STK31: variants seen among roughly 807,000 people sequenced by gnomAD.
The protein encoded by STK31 is serine/threonine-protein kinase 31.
In STK31, 89 loss-of-function variants were observed where a neutral mutation model predicts 129.7. The ratio of observed to expected loss-of-function variants is 0.69; its 90% CI spans 0.58 to 0.82. The LOEUF (loss-of-function observed/expected upper bound fraction) is 0.82. Among genes scored for constraint, STK31 ranks in the 40% least tolerant of loss-of-function variants. The pLI is 0.00. For missense variants in STK31, 1,187 were observed against 1,176.4 expected (o/e 1.01, Z -0.13); for synonymous variants, 448 against 395.3 (o/e 1.13, Z -1.58).
At chr7:23,829,074 T>G (rs547532273) in intron 23 of STK31, among the ~76,000 whole-genome samples, 20 of 151,938 alleles carry the variant, frequency 1.3e-4, no homozygotes, top group African/African-American at 4.8e-4. Flanking sequence ...CAAATTTTTT[T>G]TTTTTTTGTA....
chr7:23,795,884 C>A (rs1791920961), intron 22 of STK31, among the ~76,000 whole-genome samples: 1 of 152,150 alleles, frequency 6.6e-6, no homozygotes, highest in Non-Finnish European at 1.5e-5. Context: ...TGCCTGTACC[C>A]CATTGTATCA....
intron 16 of STK31, among the ~76,000 whole-genome samples, chr7:23,783,038 C>T (rs1010061400): frequency 2.6e-5 from 4 of 151,822 alleles, no homozygotes; most frequent in African/African-American, 9.7e-5. Context: ...ATGAACAATT[C>T]GCAAATTGGG....
intron 4 of STK31, chr7:23,721,869 G>A (rs1786723702): frequency 4.4e-6 from 2 of 453,472 alleles, no homozygotes; most frequent in South Asian, 4.2e-5. Context: ...GATCAAATCA[G>A]CTACTGAAGC....
At chr7:23,765,823 A>AG (rs1336787125) in intron 11 of STK31, among the ~76,000 whole-genome samples, 2 of 152,320 alleles carry the variant, frequency 1.3e-5, no homozygotes, top group East Asian at 3.9e-4. Context: ...TTGGGATTAC[A>AG]GGCGTGAGCC....
intron 22 of STK31, among the ~76,000 whole-genome samples, chr7:23,809,466 C>T (rs1792947096): frequency 6.6e-6 from 1 of 152,138 alleles, no homozygotes; most frequent in South Asian, 2.1e-4. Flanking sequence ...AATTTGAGCA[C>T]TTACAAATTA....
intron 4 of STK31, chr7:23,721,607 A>C: frequency 1.1e-6 from 1 of 951,800 alleles, no homozygotes. Flanking sequence ...ATCATTTATG[A>C]AATTTCTAAG....
At chr7:23,830,048 C>T (rs1794445375) in intron 23 of STK31, among the ~76,000 whole-genome samples, 1 of 152,110 alleles carries the variant, frequency 6.6e-6, no homozygotes, top group Non-Finnish European at 1.5e-5. Flanking sequence ...CTCCCGGGTT[C>T]ATGCCATTCT....
At chr7:23,761,565 C>T (rs868332260) in intron 10 of STK31, among the ~76,000 whole-genome samples, 4 of 151,656 alleles carry the variant, frequency 2.6e-5, no homozygotes, top group African/African-American at 4.8e-5. Context: ...GGACTACAGG[C>T]GCCTGCCACT....
At chr7:23,762,036 G>A (rs2128099012) in intron 10 of STK31, among the ~76,000 whole-genome samples, 1 of 151,470 alleles carries the variant, frequency 6.6e-6, no homozygotes, top group African/African-American at 2.4e-5. Context: ...AGGCTTTTAA[G>A]TGTATGTGCC....
At chr7:23,769,410 G>A (rs1464330648) in intron 12 of STK31, among the ~76,000 whole-genome samples, 1 of 151,946 alleles carries the variant, frequency 6.6e-6, no homozygotes, top group African/African-American at 2.4e-5. Context: ...CCTAAGGATT[G>A]TCCTCTTTCC....
chr7:23,807,231 G>A, intron 22 of STK31, among the ~76,000 whole-genome samples: 1 of 151,864 alleles, frequency 6.6e-6, no homozygotes, highest in East Asian at 1.9e-4. Context: ...TTCTTTCAAG[G>A]TAAGTCTACT....
chr7:23,728,478 C>A (rs1787218283), intron 5 of STK31, among the ~76,000 whole-genome samples: 1 of 152,038 alleles, frequency 6.6e-6, no homozygotes, highest in Admixed American at 6.5e-5. Flanking sequence ...TGACCTTTCT[C>A]CCATAATTTG....
In STK31 at chr7:23,754,457, A is replaced by T. The variant is rs1261219406; in HGVS notation, c.1276A>T (p.Lys426Ter). The change falls in exon 10 of 24, where the codon AAA becomes TAA. Residue 426 changes from lysine to a stop codon, truncating the protein, a stop_gained. Coordinates refer to ENST00000355870, the MANE Select transcript of STK31 (RefSeq NM_031414.5). LOFTEE classifies it high-confidence loss of function. ...ATACAGTCTGGCTCAGGAGAATATTAAAACTTGTGAATATGTGGTGAGTTG... is the reference window on the plus strand; with the variant it reads ...ATACAGTCTGGCTCAGGAGAATATTTAAACTTGTGAATATGTGGTGAGTTG... The part of the protein sequence containing the change: ...AEYSLAQENI[K>*]TCEYVSEGNI... The T allele has an allele frequency of 4.3e-6, 7 of 1,610,980 alleles. No homozygotes were observed. The highest frequency in any genetic ancestry group is 5.9e-6 in the Non-Finnish European group (7 of 1,179,370).
chr7:23,711,754 C>G (rs1490317497), intron 1 of STK31, among the ~76,000 whole-genome samples: 2 of 151,848 alleles, frequency 1.3e-5, no homozygotes, highest in Non-Finnish European at 2.9e-5. Context: ...TTGTGGAAGT[C>G]CTTTTTATGG....
intron 13 of STK31, among the ~76,000 whole-genome samples, chr7:23,770,228 T>A (rs1754962612): frequency 6.6e-6 from 1 of 152,154 alleles, no homozygotes; most frequent in Admixed American, 6.5e-5. Context: ...TTAGTGTAGC[T>A]ACTCCAAAGG....
chr7:23,714,661 A>G (rs2128060329), intron 3 of STK31, among the ~76,000 whole-genome samples: 1 of 152,332 alleles, frequency 6.6e-6, no homozygotes, highest in Non-Finnish European at 1.5e-5. Flanking sequence ...ATCTCCTTAG[A>G]CTAGCCATAT....
At position 23,832,324 on chromosome 7, in the gene STK31, T is replaced by C. The variant is rs1330552983; in HGVS notation, c.3018T>C (p.Cys1006=). 2 of 1,613,194 alleles carry C rather than the reference T, an allele frequency of 1.2e-6. No individual in the cohort carries two copies. Among genetic ancestry groups the C allele is most frequent in the African/African-American group, 2.7e-5 (2 of 74,868 alleles). The change falls in exon 24 of 24, where the codon TGT becomes TGC. Residue 1006 remains cysteine (C), a synonymous_variant. Coordinates refer to ENST00000355870, the MANE Select transcript of STK31 (RefSeq NM_031414.5). ...TAAAGACGGAGAACTTGGATAAATG[T>C]ATGGAGAAGACAAGAAATGGTGAAG... ...EEIKTENLDK[C]MEKTRNGEAN... is the part of the protein sequence containing the mutation.
chr7:23,779,664 A>C (rs1790786249), intron 15 of STK31, among the ~76,000 whole-genome samples: 1 of 62,012 alleles, frequency 1.6e-5, no homozygotes, highest in African/African-American at 5.7e-5. Flanking sequence ...CTCAAGCCTC[A>C]GTAATGACAG....
Position 23,766,273 on chromosome 7 carries a change from A to C in STK31, c.1417-2722A>C, listed in dbSNP as rs535070022. Among the ~76,000 whole-genome samples the C allele has an allele frequency of 5.3e-5, 8 of 152,112 alleles. No homozygotes were observed. The South Asian group carries it at 1.0e-3, about 20-fold the overall frequency. ...TTCATTTCTATCATTTTATTTCTTT[A>C]TTTATTTGAGACAGAGTCTTGCTCT... is the stretch of plus-strand genomic sequence containing the variant. On this transcript the variant is annotated intron_variant, in intron 11 of 23. Coordinates refer to ENST00000355870, the MANE Select transcript of STK31 (RefSeq NM_031414.5).
Sources: allele counts gnomAD v4.1 joint callset (sites outside exome capture counted in the v4.1 genomes callset), GRCh38; gene constraint gnomAD v4.1.1; transcripts MANE v1.5; gene names NCBI Gene and HGNC (gene_info 2026-07-23, HGNC 2026-07-21).